The following PCDHA4 variants were observed in gnomAD, a reference collection of about 807,000 sequenced individuals.
PCDHA4 encodes protocadherin alpha 4.
A neutral mutation model predicts 61.4 loss-of-function variants in PCDHA4; 49 were observed. The ratio of observed to expected loss-of-function variants is 0.80; its 90% CI spans 0.63 to 1.01. The LOEUF (loss-of-function observed/expected upper bound fraction) is 1.01, where lower values mean the gene tolerates loss of function less well. PCDHA4 is among the 50% of genes least tolerant of loss of function. The pLI, the probability that PCDHA4 is intolerant of heterozygous loss-of-function variation, is 0.00. For synonymous variants in PCDHA4, 590 were observed against 550.3 expected (o/e 1.07, Z -1.01); for missense variants, 1,254 against 1,235.8 (o/e 1.01, Z -0.22).
chr5:141,006,069 C>T (rs1588119997), intron 3 of PCDHA4, among the ~76,000 whole-genome samples: 1 of 148,482 alleles, frequency 6.7e-6, no homozygotes, highest in African/African-American at 2.5e-5. Flanking sequence ...AAATAAAAAT[C>T]AGATTATTGA....
At chr5:140,935,134 T>G (rs1358918679) in intron 1 of PCDHA4, among the ~76,000 whole-genome samples, 1 of 152,210 alleles carries the variant, frequency 6.6e-6, no homozygotes. Context: ...TAGTGAAAGA[T>G]GATACTTAGA....
chr5:140,836,043 T>A (rs147222848), intron 1 of PCDHA4: 18 of 1,613,268 alleles, frequency 1.1e-5, no homozygotes, highest in Non-Finnish European at 1.5e-5. Flanking sequence ...GCTGCAGGTG[T>A]TCGTGCTGGA....
At chr5:140,883,688 A>G (rs782730096) in intron 1 of PCDHA4, 2 of 1,613,792 alleles carry the variant, frequency 1.2e-6, no homozygotes, top group Middle Eastern at 1.7e-4. Flanking sequence ...GGGCTGCCAC[A>G]TCTTCACGGT....
chr5:140,979,004 A>T lies in PCDHA4; in HGVS notation c.2441A>T (p.His814Leu). ...RYSASLRAGM[H>L]SSVHLEEAGI... Reference sequence around the variant, plus strand: ...TCTGCCTCCCTGAGAGCAGGCATGCACAGGTATGTATTTCCCTCCTCATTC... The same window carrying T: ...TCTGCCTCCCTGAGAGCAGGCATGCTCAGGTATGTATTTCCCTCCTCATTC... Residue 814 changes from histidine (H) to leucine (L), a missense_variant, in exon 2 of 4, where the codon CAC becomes CTC. His to Leu is a moderately conservative substitution (Grantham distance 99). Coordinates refer to ENST00000530339, the MANE Select transcript of PCDHA4 (RefSeq NM_018907.4). The T allele has an allele frequency of 6.2e-7, 1 of 1,614,144 alleles. No homozygotes were observed. Among genetic ancestry groups the T allele is most frequent in the South Asian group, 1.1e-5 (1 of 91,052 alleles).
chr5:140,957,346 G>C (rs1027225386), intron 1 of PCDHA4, among the ~76,000 whole-genome samples: 7 of 152,080 alleles, frequency 4.6e-5, no homozygotes, highest in Non-Finnish European at 8.8e-5. Flanking sequence ...TTTTGAGAGA[G>C]AGACCACATT....
At position 140,843,279 on chromosome 5, in the gene PCDHA4, A is replaced by T. The variant is rs1778750894; in HGVS notation, c.2385+33707A>T. 3.8e-6 allele frequency: 6 copies of T among 1,595,936 alleles called. 2 individuals carry two copies. Among genetic ancestry groups the T allele is most frequent in the Non-Finnish European group, 4.3e-6 (5 of 1,165,554 alleles). On this transcript the variant is annotated intron_variant, in intron 1 of 3. Coordinates refer to ENST00000530339, the MANE Select transcript of PCDHA4 (RefSeq NM_018907.4). ...CACCGTCTGCTGGTCCTGGTGAAGGATCATGGTGAACCTGCGCTGACCGCC... is the reference window on the plus strand; with the variant it reads ...CACCGTCTGCTGGTCCTGGTGAAGGTTCATGGTGAACCTGCGCTGACCGCC...
intron 1 of PCDHA4, chr5:140,868,241 T>C (rs1042254119): frequency 2.0e-5 from 3 of 152,140 alleles, no homozygotes; most frequent in Non-Finnish European, 4.4e-5. Flanking sequence ...TCTAGATCAA[T>C]AGACTTTTCC....
At chr5:140,875,342 A>C in intron 1 of PCDHA4, 1 of 1,443,152 alleles carries the variant, frequency 6.9e-7, no homozygotes, top group Non-Finnish European at 9.1e-7. Context: ...GATCGACTCC[A>C]TAATGACTGT....
At chr5:140,988,634 T>G (rs1405160822) in intron 3 of PCDHA4, among the ~76,000 whole-genome samples, 1 of 152,218 alleles carries the variant, frequency 6.6e-6, no homozygotes, top group Non-Finnish European at 1.5e-5. Flanking sequence ...GTCCTGGTTT[T>G]CTGAAATTAA....
Position 140,808,771 on chromosome 5 carries a change from A to G in PCDHA4, c.1584A>G (p.Leu528=), listed in dbSNP as rs144593807. 81,271 of 1,612,206 alleles carry G rather than the reference A, an allele frequency of 0.05. 2,409 individuals are homozygous for G. Among genetic ancestry groups the G allele is most frequent in the Middle Eastern group, 0.074 (365 of 4,948 alleles). ...TGCAGCCGCTGGACCACGAGGAGCTAGAGCTGCTGCAGTTTCAGGTGACCG... is the reference window on the plus strand; with the variant it reads ...TGCAGCCGCTGGACCACGAGGAGCTGGAGCTGCTGCAGTTTCAGGTGACCG... ...YALQPLDHEE[L]ELLQFQVTAR... is the part of the protein sequence containing the mutation. Residue 528 remains leucine (L), a synonymous_variant, in exon 1 of 4, where the codon CTA becomes CTG. Coordinates refer to ENST00000530339, the MANE Select transcript of PCDHA4 (RefSeq NM_018907.4).
chr5:140,939,993 G>A (rs889924458), intron 1 of PCDHA4, among the ~76,000 whole-genome samples: 3 of 151,902 alleles, frequency 2.0e-5, no homozygotes, highest in African/African-American at 7.3e-5. Context: ...GTTTCTCCTT[G>A]GATTTTGTCA....
chr5:140,870,801 G>T (rs1210285882), intron 1 of PCDHA4: 6 of 1,613,670 alleles, frequency 3.7e-6, no homozygotes, highest in Non-Finnish European at 5.1e-6. Context: ...CACTGCTGGC[G>T]ACTCAGGCTG....
intron 1 of PCDHA4, chr5:140,869,955 T>G: frequency 2.5e-6 from 4 of 1,612,860 alleles, no homozygotes; most frequent in Non-Finnish European, 3.4e-6. Flanking sequence ...TAATGTCAAT[T>G]AAGCCCAATG....
At position 140,876,152 on chromosome 5, in the gene PCDHA4, A is replaced by G; in HGVS notation, c.2385+66580A>G. ...AAACCAGAACTAACAGGGTCTGTCC[A>G]GATTCAAATAACCGTCCTGGATGTG... is the stretch of plus-strand genomic sequence containing the variant. On this transcript the variant is annotated intron_variant, in intron 1 of 3. Transcript: ENST00000530339. 1 of 1,613,982 alleles carries G rather than the reference A, an allele frequency of 6.2e-7. No individual in the cohort carries two copies. The highest frequency in any genetic ancestry group is 1.3e-5 in the African/African-American group (1 of 75,068).
At chr5:140,828,585 A>G in intron 1 of PCDHA4, 1 of 1,614,250 alleles carries the variant, frequency 6.2e-7, no homozygotes, top group South Asian at 1.1e-5. Context: ...GTTGGCTCAA[A>G]TTCCATCTTA....
At chr5:140,829,696 G>A (rs2150172625) in intron 1 of PCDHA4, 2 of 1,613,274 alleles carry the variant, frequency 1.2e-6, no homozygotes, top group Non-Finnish European at 1.7e-6. Context: ...AGTTTCAGGT[G>A]AGCGCGCGCG....
chr5:140,939,904 T>A (rs1554213033), intron 1 of PCDHA4, among the ~76,000 whole-genome samples: 3 of 152,228 alleles, frequency 2.0e-5, no homozygotes, highest in Non-Finnish European at 2.9e-5. Context: ...TTCTGCATTC[T>A]TTTTTATTCT....
intron 1 of PCDHA4, among the ~76,000 whole-genome samples, chr5:140,940,004 A>AT (rs1326829458): frequency 2.6e-5 from 4 of 152,120 alleles, no homozygotes; most frequent in Admixed American, 1.3e-4. Context: ...GATTTTGTCA[A>AT]TTTTTTGTGT....
At chr5:140,861,600 A>G (rs782505060) in intron 1 of PCDHA4, 3 of 371,010 alleles carry the variant, frequency 8.1e-6, no homozygotes, top group Non-Finnish European at 1.6e-5. Context: ...GAAAGTGAAG[A>G]ACAATAAAGA....
Sources: allele counts gnomAD v4.1 joint callset (sites outside exome capture counted in the v4.1 genomes callset), GRCh38; gene constraint gnomAD v4.1.1; transcripts MANE v1.5; gene names NCBI Gene and HGNC (gene_info 2026-07-23, HGNC 2026-07-21).